TMEM184A: variants seen among roughly 807,000 people sequenced by gnomAD.
The protein encoded by TMEM184A is sexually dimorphic, expressed in male gonads 1.
A neutral mutation model predicts 39.5 loss-of-function variants in TMEM184A; 40 were observed. The ratio of observed to expected loss-of-function variants is 1.01; its 90% CI spans 0.79 to 1.32. The LOEUF (loss-of-function observed/expected upper bound fraction) is 1.32, where lower values mean the gene tolerates loss of function less well. TMEM184A is among the 40% of genes most tolerant of loss of function. The pLI is 0.00. For missense variants in TMEM184A, 603 were observed against 568.8 expected (o/e 1.06, Z -0.61); for synonymous variants, 280 against 252.3 (o/e 1.11, Z -1.04).
At chr7:1,554,227 C>A (rs1361523711) in intron 2 of TMEM184A, among the ~76,000 whole-genome samples, 7 of 152,176 alleles carry the variant, frequency 4.6e-5, no homozygotes, top group Non-Finnish European at 1.0e-4. Flanking sequence ...CCCCCATGCC[C>A]GGCTAATAAG....
At position 1,547,823 on chromosome 7, in the gene TMEM184A, C is replaced by A. The variant is rs748661397; in HGVS notation, c.931G>T (p.Val311Leu). ...GCCACGGAGGCGAACAGCATCTCCA[C>A]GCAGATGATGAAGTTCTGGTAGCCG... ...AAGYQNFIIC[V>L]EMLFASVALR... Residue 311 changes from valine (V) to leucine (L), a missense_variant, in exon 8 of 9, where the codon GTG becomes TTG. By Grantham distance (32) the Val-to-Leu change is conservative (BLOSUM62 1). Coordinates refer to ENST00000297477, the MANE Select transcript of TMEM184A (RefSeq NM_001097620.2). 4.3e-6 allele frequency: 7 copies of A among 1,612,478 alleles called. No homozygotes were observed. In the African/African-American group the frequency reaches 9.3e-5, roughly 22 times the overall value.
chr7:1,551,936 C>CA (rs879312845), intron 2 of TMEM184A, among the ~76,000 whole-genome samples: 103 of 137,746 alleles, frequency 7.5e-4, no homozygotes, highest in South Asian at 5.6e-3. Flanking sequence ...GACCCTTTCT[C>CA]AAAAAAAAAA....
In TMEM184A at chr7:1,547,059, T is replaced by C; in HGVS notation, c.1135A>G (p.Thr379Ala). ...PAYQHYTQQA[T>A]HEAPRPGTHP... ...GTGCCGGGCCTGGGCGCCTCGTGCG[T>C]GGCCTGCTGCGTGTAGTGCTGGTAG... Residue 379 changes from threonine to alanine, a missense_variant, in exon 9 of 9, where the codon ACG (threonine) becomes GCG (alanine). Thr to Ala is a moderately conservative substitution (Grantham distance 58). Transcript: ENST00000297477. 1 of 1,609,194 alleles carries C rather than the reference T, an allele frequency of 6.2e-7. No individual in the cohort carries two copies.
At position 1,543,564 on chromosome 7, in the gene TMEM184A, C is replaced by T. The variant is rs1200359985; in HGVS notation, c.*3388G>A. 1.3e-5 allele frequency: 2 copies of T among 152,356 alleles called. No homozygotes were observed. The highest frequency in any genetic ancestry group is 2.4e-5 in the African/African-American group (1 of 41,452). The allele number at this position is 152,356 out of a possible 1,614,324, so 9.4% of individuals were successfully genotyped here. A position where few individuals can be genotyped will look rare whatever the true frequency, so the allele number is the denominator to read the frequency against. On this transcript the variant is annotated 3_prime_UTR_variant, in exon 9 of 9. Transcript: ENST00000297477. Reference sequence around the variant, plus strand: ...CCGTCCCCACCCCGCCCGGCCTTCCCCGTTTTTGGGGCTGAGCTGACCGAG... The same window carrying T: ...CCGTCCCCACCCCGCCCGGCCTTCCTCGTTTTTGGGGCTGAGCTGACCGAG...
chr7:1,552,336 G>A (rs552162012), intron 2 of TMEM184A, among the ~76,000 whole-genome samples: 3 of 152,194 alleles, frequency 2.0e-5, no homozygotes, highest in Admixed American at 6.5e-5. Flanking sequence ...TGTGCAGCGC[G>A]ATGTCTGATA....
intron 2 of TMEM184A, among the ~76,000 whole-genome samples, chr7:1,554,270 G>A (rs191716274): frequency 3.3e-5 from 5 of 152,238 alleles, no homozygotes; most frequent in Non-Finnish European, 5.9e-5. Context: ...ATGCTCCCTC[G>A]GAGACTTGTG....
chr7:1,555,432 G>C lies in TMEM184A; in HGVS notation c.53C>G (p.Ala18Gly). Reference sequence around the variant, plus strand: ...TGGGGGGCTGGGCTGCGGCCAGTTCGCTGACACCAGGGGGACGCCGGCTGT... The same window carrying C: ...TGGGGGGCTGGGCTGCGGCCAGTTCCCTGACACCAGGGGGACGCCGGCTGT... ...LETAGVPLVS[A>G]NWPQPSPPPA... is the part of the protein sequence containing the mutation. The change falls in exon 2 of 9, where the codon GCG becomes GGG. Residue 18 changes from alanine to glycine, a missense_variant. Physicochemically the swap from Ala to Gly is moderately conservative, Grantham distance 60 (BLOSUM62 0). Coordinates refer to ENST00000297477, the MANE Select transcript of TMEM184A (RefSeq NM_001097620.2). The surrounding 1 kb of genome is among the most constrained non-coding windows in gnomAD (Gnocchi z 5.2). 3 of 1,610,778 alleles carry C rather than the reference G, an allele frequency of 1.9e-6. No homozygotes were observed. Among genetic ancestry groups the C allele is most frequent in the Non-Finnish European group, 2.5e-6 (3 of 1,179,610 alleles).
chr7:1,555,445 G>A lies in TMEM184A; in HGVS notation c.40C>T (p.Pro14Ser). Reference protein sequence around the residue: ...VSGILETAGVPLVSANWPQPS... With the variant: ...VSGILETAGVSLVSANWPQPS... Reference sequence around the variant, plus strand: ...TGCGGCCAGTTCGCTGACACCAGGGGGACGCCGGCTGTCTCCAGGATCCCT... The same window carrying A: ...TGCGGCCAGTTCGCTGACACCAGGGAGACGCCGGCTGTCTCCAGGATCCCT... The change falls in exon 2 of 9, where the codon CCC (proline) becomes TCC (serine). Residue 14 changes from proline (P) to serine (S), a missense_variant. By Grantham distance (74) the Pro-to-Ser change is moderately conservative (BLOSUM62 -1). Transcript: ENST00000297477. This position sits in a 1 kb window ranked among gnomAD's most constrained non-coding sequence, Gnocchi z 5.2. 6.2e-7 allele frequency: 1 copy of A among 1,610,318 alleles called. No individual in the cohort carries two copies. The highest frequency in any genetic ancestry group is 8.5e-7 in the Non-Finnish European group (1 of 1,179,758).
chr7:1,549,285 A>G, intron 6 of TMEM184A: 1 of 311,472 alleles, frequency 3.2e-6, no homozygotes, highest in Non-Finnish European at 6.2e-6. Flanking sequence ...CCCGTGTGTG[A>G]GCATCTGTGT....
chr7:1,551,175 C>T (rs1483653991), intron 2 of TMEM184A, among the ~76,000 whole-genome samples, 193 bp from the exon 3 acceptor site: 1 of 32,038 alleles, frequency 3.1e-5, no homozygotes, highest in Admixed American at 4.1e-4. Flanking sequence ...GCGTGAGAGC[C>T]GGGCCCGCCC....
In TMEM184A at chr7:1,550,183, G is replaced by C. The variant is rs566323218; in HGVS notation, c.492C>G (p.Tyr164Ter). The change falls in exon 5 of 9, where the codon TAC becomes TAG. Residue 164 changes from tyrosine to a stop codon, truncating the protein, a stop_gained. Coordinates refer to ENST00000297477, the MANE Select transcript of TMEM184A (RefSeq NM_001097620.2). LOFTEE classifies it high-confidence loss of function. Reference sequence around the variant, plus strand: ...TCATGCCCCGGAGGCAGCAGGTGCCGTACAAGCAGCTGGACCTGCGGGGGA... The same window carrying C: ...TCATGCCCCGGAGGCAGCAGGTGCCCTACAAGCAGCTGGACCTGCGGGGGA... Reference protein sequence around the residue: ...RGKPIKSSCLYGTCCLRGMTY... With the variant: ...RGKPIKSSCL 1.2e-6 allele frequency: 2 copies of C among 1,607,924 alleles called. No homozygotes were observed. Among genetic ancestry groups the C allele is most frequent in the African/African-American group, 2.7e-5 (2 of 74,836 alleles).
chr7:1,551,599 T>A lies in TMEM184A; in HGVS notation c.220-617A>T, dbSNP rs187027809. 3.9e-5 allele frequency among the ~76,000 whole-genome samples: 6 copies of A among 152,360 alleles called. No individual in the cohort carries two copies. The East Asian group carries it at 1.2e-3, about 29-fold the overall frequency. ...TATAAGTATGAATGTATATGTTAAA[T>A]ACATATTTCTGGTTACAACTAAAAA... On this transcript the variant is annotated intron_variant, in intron 2 of 8. Coordinates refer to ENST00000297477, the MANE Select transcript of TMEM184A (RefSeq NM_001097620.2).
Position 1,550,692 on chromosome 7 carries a change from C to T in TMEM184A, c.385+125G>A, listed in dbSNP as rs1422173619. On this transcript the variant is annotated intron_variant, in intron 3 of 8. Transcript: ENST00000297477. ...GCGCCGCTAACCCTGACTATCCTGG[C>T]AGCCCCTCTGACGGGCCGGGAGAGT... is the stretch of plus-strand genomic sequence containing the variant. The T allele has an allele frequency of 2.0e-5, 25 of 1,252,860 alleles. No homozygotes were observed. The Admixed American group carries it at 4.7e-4, about 24-fold the overall frequency. 77.6% of individuals were successfully genotyped at this position (1,252,860 alleles called of 1,614,324 possible).
chr7:1,551,970 T>C (rs952387802), intron 2 of TMEM184A, among the ~76,000 whole-genome samples: 1 of 150,376 alleles, frequency 6.6e-6, no homozygotes, highest in Non-Finnish European at 1.5e-5. Flanking sequence ...AGAAACATGG[T>C]CTCGCTCTCT....
rs1784216573 is a variant in TMEM184A at position 1,542,434 on chromosome 7, GGA to G, written c.*4516_*4517del. On this transcript the variant is annotated 3_prime_UTR_variant, in exon 9 of 9. Coordinates refer to ENST00000297477, the MANE Select transcript of TMEM184A (RefSeq NM_001097620.2). ...CTGTACCAGGCAGCTGGGCCCCGCAGGACAGGCCGCAGCGGGTGGCCGGTTCT... is the reference window on the plus strand; with the variant it reads ...CTGTACCAGGCAGCTGGGCCCCGCAGCAGGCCGCAGCGGGTGGCCGGTTCT... 1 of 152,412 alleles carries G rather than the reference GGA, an allele frequency of 6.6e-6. No individual in the cohort carries two copies. Among genetic ancestry groups the G allele is most frequent in the Admixed American group, 6.5e-5 (1 of 15,282 alleles). The allele number at this position is 152,412 out of a possible 1,614,324, so 9.4% of individuals were successfully genotyped here. A position where few individuals can be genotyped will look rare whatever the true frequency, so the allele number is the denominator to read the frequency against.
chr7:1,554,334 C>T (rs1583225661), intron 2 of TMEM184A, among the ~76,000 whole-genome samples: 1 of 152,110 alleles, frequency 6.6e-6, no homozygotes, highest in East Asian at 1.9e-4. Context: ...CCCAGCTCAC[C>T]TACAGATCCA....
chr7:1,551,720 T>C (rs961065221), intron 2 of TMEM184A, among the ~76,000 whole-genome samples: 1 of 152,018 alleles, frequency 6.6e-6, no homozygotes, highest in Non-Finnish European at 1.5e-5. Context: ...GTGGATCATT[T>C]GAGGTCAGGA....
Position 1,555,200 on chromosome 7 carries a change from C to T in TMEM184A, c.219+66G>A, listed in dbSNP as rs1381350875. On this transcript the variant is annotated intron_variant, in intron 2 of 8. Transcript: ENST00000297477. This position sits in a 1 kb window ranked among gnomAD's most constrained non-coding sequence, Gnocchi z 5.2. ...AGCAGCGGCACCCAGGGGGACCGGG[C>T]TGAGCCACGGCCACGTCCTGTGGAG... 1 of 1,382,150 alleles carries T rather than the reference C, an allele frequency of 7.2e-7. No individual in the cohort carries two copies. 85.6% of individuals were successfully genotyped at this position (1,382,150 alleles called of 1,614,324 possible).
rs200766224 is a variant in TMEM184A at position 1,547,172 on chromosome 7, G to T, written c.1022C>A (p.Ala341Glu). The T allele has an allele frequency of 1.9e-6, 3 of 1,597,134 alleles. No homozygotes were observed. The South Asian group carries it at 3.3e-5, about 18-fold the overall frequency. Reference sequence around the variant, plus strand: ...GCCGCTGGAGATGCTCTGCATGGGTGCCGGGGGGGCTGGGGGAGGGCAGTG... The same window carrying T: ...GCCGCTGGAGATGCTCTGCATGGGTTCCGGGGGGGCTGGGGGAGGGCAGTG... Reference protein sequence around the residue: ...EKKENSPAPPAPMQSISSGIR... With the variant: ...EKKENSPAPPEPMQSISSGIR... The change falls in exon 9 of 9, where the codon GCA (alanine) becomes GAA (glutamate). Residue 341 changes from alanine to glutamate, a missense_variant. Ala to Glu is a moderately radical substitution (Grantham distance 107). Coordinates refer to ENST00000297477, the MANE Select transcript of TMEM184A (RefSeq NM_001097620.2).
Sources: gnomAD v4.1 joint callset for allele counts (sites outside exome capture counted in the v4.1 genomes callset) on GRCh38, gnomAD v4.1.1 for gene constraint, Gnocchi (gnomAD v3.1) non-coding constraint, MANE v1.5 for transcripts, NCBI Gene and HGNC (gene_info 2026-07-23, HGNC 2026-07-21) for gene names.